DYNC2I1: variants seen among roughly 807,000 people sequenced by gnomAD.
DYNC2I1 encodes dynein 2 intermediate chain 1.
DYNC2I1 carries 89 observed loss-of-function variants against 133.4 expected under a neutral mutation model. The ratio of observed to expected loss-of-function variants is 0.67; its 90% confidence interval spans 0.56 to 0.80. The LOEUF is 0.80. DYNC2I1 is among the 30% of genes least tolerant of loss of function. The pLI is 0.00. For missense variants in DYNC2I1, 1,291 were observed against 1,314.5 expected, an observed-to-expected ratio of 0.98 and a Z score of 0.28; for synonymous variants, 504 against 484.3, an observed-to-expected ratio of 1.04 and a Z score of -0.54.
At chr7:158,860,155 A>G (rs1841746193) in intron 1 of DYNC2I1, among the ~76,000 whole-genome samples, 1 of 151,714 alleles carries the variant, frequency 6.6e-6, no homozygotes, top group African/African-American at 2.4e-5. Flanking sequence ...TCCCGGGTTC[A>G]AGCAGTTCTC....
chr7:158,863,835 C>T (rs1364724915), intron 1 of DYNC2I1, among the ~76,000 whole-genome samples: 8 of 106,910 alleles, frequency 7.5e-5, no homozygotes, highest in Non-Finnish European at 1.5e-4. Flanking sequence ...GGGAGCCGGA[C>T]GTCCTTAGCT....
chr7:158,915,645 C>A (rs1168600084), intron 14 of DYNC2I1, among the ~76,000 whole-genome samples: 1 of 102,250 alleles, frequency 9.8e-6, no homozygotes, highest in Non-Finnish European at 2.0e-5. Context: ...ATTGTGAAAC[C>A]TCGACACGGT....
At chr7:158,902,313 T>C (rs1846333087) in intron 9 of DYNC2I1, 63 bp from the exon 10 acceptor site, 2 of 1,371,278 alleles carry the variant, frequency 1.5e-6, no homozygotes, top group African/African-American at 1.4e-5. Context: ...TTTTGTTCAG[T>C]ATGAGGGATA....
In DYNC2I1 at chr7:158,938,101, A is replaced by G. The variant is rs60953056; in HGVS notation, c.2778+3552A>G. Among the ~76,000 whole-genome samples, 870 of 152,336 alleles carry G rather than the reference A, an allele frequency of 5.7e-3. 56 individuals are homozygous for G. The East Asian group carries it at 0.13, about 22-fold the overall frequency. On this transcript the variant is annotated intron_variant, in intron 23 of 24. Coordinates refer to ENST00000407559, the MANE Select transcript of DYNC2I1 (RefSeq NM_018051.5). ...TCCAAAACTTCATAAGGAGATCAAT[A>G]TCCAGGTATAGGAAGGTCAGAGAAC...
intron 11 of DYNC2I1, among the ~76,000 whole-genome samples, chr7:158,909,762 CAGT>C (rs1300909314): frequency 6.6e-6 from 1 of 152,182 alleles, no homozygotes; most frequent in African/African-American, 2.4e-5. Context: ...TTTCTCAAGA[CAGT>C]AGAGTGAAAC....
chr7:158,883,508 G>A (rs1160480697), intron 5 of DYNC2I1, among the ~76,000 whole-genome samples: 1 of 151,562 alleles, frequency 6.6e-6, no homozygotes, highest in South Asian at 2.1e-4. Flanking sequence ...GTGAGTCATG[G>A]TGCCTGGCCT....
chr7:158,895,288 T>C (rs1845658463), intron 8 of DYNC2I1, among the ~76,000 whole-genome samples: 3 of 152,258 alleles, frequency 2.0e-5, no homozygotes, highest in Admixed American at 2.0e-4. Flanking sequence ...CATTTTACAC[T>C]TAGGTCTGTG....
Position 158,911,144 on chromosome 7 carries a change from G to C in DYNC2I1, c.1461-406G>C, listed in dbSNP as rs549344777. 6.6e-5 allele frequency among the ~76,000 whole-genome samples: 10 copies of C among 152,328 alleles called. No homozygotes were observed. The South Asian group carries it at 2.1e-3, about 32-fold the overall frequency. ...AGAGCGTGGCCCAAAACACTTACTGGCTGCGTGGTCCGACCATGGTGCAGG... is the reference window on the plus strand; with the variant it reads ...AGAGCGTGGCCCAAAACACTTACTGCCTGCGTGGTCCGACCATGGTGCAGG... On this transcript the variant is annotated intron_variant, in intron 11 of 24. Coordinates refer to ENST00000407559, the MANE Select transcript of DYNC2I1 (RefSeq NM_018051.5).
At chr7:158,846,936 T>C in the DYNC2I1 span, among the ~76,000 whole-genome samples, 2 of 152,220 alleles carry the variant, frequency 1.3e-5, no homozygotes, top group Non-Finnish European at 2.9e-5. Flanking sequence ...GTCTGTAATA[T>C]CTGTATGTTT....
Position 158,902,480 on chromosome 7 carries a change from G to A in DYNC2I1, c.1242G>A (p.Lys414=). 6.2e-7 allele frequency: 1 copy of A among 1,613,918 alleles called. No homozygotes were observed. ...KLEELPLAQK[K]EIQEIQRAIN... is the part of the protein sequence containing the mutation. ...AAGAACTTCCTCTAGCTCAAAAAAA[G>A]GAAATACAAGAAATTCAAAGAGCTA... Residue 414 remains lysine (K), a synonymous_variant, in exon 10 of 25, where the codon AAG becomes AAA. Coordinates refer to ENST00000407559, the MANE Select transcript of DYNC2I1 (RefSeq NM_018051.5).
At chr7:158,845,626 C>T in the DYNC2I1 span, among the ~76,000 whole-genome samples, 1 of 152,128 alleles carries the variant, frequency 6.6e-6, no homozygotes, top group Non-Finnish European at 1.5e-5. Flanking sequence ...TGGTAAAATG[C>T]CCGTATACTT....
chr7:158,910,681 G>A (rs1004780996), intron 11 of DYNC2I1, among the ~76,000 whole-genome samples: 8 of 151,528 alleles, frequency 5.3e-5, no homozygotes, highest in Admixed American at 1.3e-4. Context: ...TGTCAGGCTC[G>A]TGGGCCGATC....
At chr7:158,864,798 G>A (rs1438177762) in intron 1 of DYNC2I1, among the ~76,000 whole-genome samples, 1 of 152,178 alleles carries the variant, frequency 6.6e-6, no homozygotes, top group African/African-American at 2.4e-5. Context: ...GAGCCACCAT[G>A]CCTGGCTCAA....
intron 10 of DYNC2I1, chr7:158,903,645 C>T (rs1239810474): frequency 6.6e-6 from 1 of 152,174 alleles, no homozygotes; most frequent in Non-Finnish European, 1.5e-5. Flanking sequence ...CTTCTTCAGC[C>T]CTATCGCCTG....
Position 158,926,265 on chromosome 7 carries a change from A to C in DYNC2I1, c.2336A>C (p.Gln779Pro). The change falls in exon 18 of 25, where the codon CAG becomes CCG. Residue 779 changes from glutamine to proline, a missense_variant. Physicochemically the swap from Gln to Pro is moderately conservative, Grantham distance 76. Coordinates refer to ENST00000407559, the MANE Select transcript of DYNC2I1 (RefSeq NM_018051.5). ...EPISTSVHKK[Q>P]SFVLSPFSTQ... ...ATCTCAACGTCCGTCCACAAAAAGC[A>C]GAGCTTTGTGCTTTCACCCTTTTCT... The C allele has an allele frequency of 6.2e-7, 1 of 1,613,360 alleles. No homozygotes were observed.
intron 4 of DYNC2I1, among the ~76,000 whole-genome samples, chr7:158,955,598 G>A (rs900602915): frequency 3.3e-5 from 5 of 152,202 alleles, no homozygotes; most frequent in African/African-American, 1.2e-4. Context: ...GTGGGTAGGC[G>A]GAGACACCCA....
chr7:158,883,164 T>A (rs1844216138), intron 5 of DYNC2I1, among the ~76,000 whole-genome samples: 1 of 151,692 alleles, frequency 6.6e-6, no homozygotes, highest in Non-Finnish European at 1.5e-5. Context: ...TTCCCGGGGA[T>A]GGATGTTCTC....
intron 10 of DYNC2I1, chr7:158,903,907 G>C (rs573587628): frequency 6.6e-6 from 1 of 152,310 alleles, no homozygotes; most frequent in South Asian, 2.1e-4. Context: ...TGATTTACAA[G>C]ATTAGAATTT....
At chr7:158,865,305 G>T (rs1426128068) in intron 1 of DYNC2I1, among the ~76,000 whole-genome samples, 1 of 152,214 alleles carries the variant, frequency 6.6e-6, no homozygotes, top group Admixed American at 6.5e-5. Flanking sequence ...AGGGGAAGGG[G>T]AGTTAAATCA....
Sources: allele counts gnomAD v4.1 joint callset (sites outside exome capture counted in the v4.1 genomes callset), GRCh38; gene constraint gnomAD v4.1.1; transcripts MANE v1.5; gene names NCBI Gene and HGNC (gene_info 2026-07-23, HGNC 2026-07-21).